The following RPS6KA2 variants were observed in gnomAD, a reference collection of about 807,000 sequenced individuals.
RPS6KA2 encodes ribosomal protein S6 kinase A2.
RPS6KA2 carries 42 observed loss-of-function variants against 91.8 expected under a neutral mutation model. The observed-to-expected ratio is 0.46, with a 90% CI of 0.36 to 0.59. The LOEUF is 0.59. Among genes scored for constraint, RPS6KA2 ranks in the 20% least tolerant of loss-of-function variants. The pLI, the probability that RPS6KA2 is intolerant of heterozygous loss-of-function variation, is 0.00. For missense variants in RPS6KA2, 798 were observed against 978.5 expected, an observed-to-expected ratio of 0.82 and a Z score of 2.46; for synonymous variants, 414 against 393.6, an observed-to-expected ratio of 1.05 and a Z score of -0.61.
intron 2 of RPS6KA2, among the ~76,000 whole-genome samples, chr6:166,644,888 G>A (rs1211100198): frequency 6.6e-6 from 1 of 152,198 alleles, no homozygotes; most frequent in Non-Finnish European, 1.5e-5. Context: ...CATACACACA[G>A]AGGAATGCCT....
intron 2 of RPS6KA2, among the ~76,000 whole-genome samples, chr6:166,783,047 G>GTATTA (rs1778811223): frequency 8.1e-6 from 1 of 124,168 alleles, no homozygotes; most frequent in African/African-American, 3.9e-5. Context: ...GTATCTTTTA[G>GTATTA]GTATTATTAT....
At chr6:166,478,208 C>T (rs1781053202) in intron 10 of RPS6KA2, among the ~76,000 whole-genome samples, 1 of 152,304 alleles carries the variant, frequency 6.6e-6, no homozygotes, top group South Asian at 2.1e-4. Context: ...GTGCCTGCCA[C>T]CTGAGGCGGC....
At chr6:166,698,533 C>T (rs1789418692) in intron 2 of RPS6KA2, among the ~76,000 whole-genome samples, 1 of 152,180 alleles carries the variant, frequency 6.6e-6, no homozygotes, top group Non-Finnish European at 1.5e-5. Context: ...TTTATAGTAA[C>T]CATCTGCCCA....
chr6:166,472,012 G>A (rs1780790267), intron 10 of RPS6KA2, among the ~76,000 whole-genome samples: 1 of 152,208 alleles, frequency 6.6e-6, no homozygotes, highest in Non-Finnish European at 1.5e-5. Context: ...CTCCCCAAGC[G>A]CCCATCCTGT....
At chr6:166,646,004 A>G (rs1787590582) in intron 2 of RPS6KA2, among the ~76,000 whole-genome samples, 1 of 152,344 alleles carries the variant, frequency 6.6e-6, no homozygotes, top group Non-Finnish European at 1.5e-5. Flanking sequence ...GTTTGCTTCT[A>G]GGGCCAGTCC....
At chr6:166,520,895 C>T (rs1023791044) in intron 3 of RPS6KA2, among the ~76,000 whole-genome samples, 1 of 152,222 alleles carries the variant, frequency 6.6e-6, no homozygotes, top group Non-Finnish European at 1.5e-5. Context: ...ACTCAGAGAG[C>T]ATCAGGGCTG....
Position 166,791,344 on chromosome 6 carries a change from G to A in RPS6KA2, c.123+66856C>T, listed in dbSNP as rs549343547. ...CCTAAATATATATGCACCCAATACA[G>A]GAGCACCCAGATTCATAAAGCAAGT... On this transcript the variant is annotated intron_variant, in intron 2 of 21. Transcript: ENST00000503859. Among the ~76,000 whole-genome samples, 609 of 152,180 alleles carry A rather than the reference G, an allele frequency of 4.0e-3. 4 individuals carry two copies. Among genetic ancestry groups the A allele is most frequent in the Admixed American group, 7.4e-3 (113 of 15,286 alleles).
intron 10 of RPS6KA2, among the ~76,000 whole-genome samples, chr6:166,470,547 T>A (rs1440468202): frequency 6.6e-6 from 1 of 152,218 alleles, no homozygotes; most frequent in African/African-American, 2.4e-5. Context: ...CCTAAGGCCC[T>A]GGGGCAGAAA....
chr6:166,774,137 T>C (rs1178249265), intron 2 of RPS6KA2, among the ~76,000 whole-genome samples: 3 of 152,212 alleles, frequency 2.0e-5, no homozygotes, highest in African/African-American at 7.2e-5. Context: ...ATAGTCTGGA[T>C]GACCAAGATT....
rs548631108 is a variant in RPS6KA2, at chr6:166,494,043, C to A, written c.748-3302G>T. Among the ~76,000 whole-genome samples the A allele has an allele frequency of 6.6e-6, 1 of 152,130 alleles. No homozygotes were observed. Among genetic ancestry groups the A allele is most frequent in the Non-Finnish European group, 1.5e-5 (1 of 68,024 alleles). The stretch of plus-strand genomic sequence containing the variant: ...AGCCTCGATTTCAAGTTTACTTGGC[C>A]GATCACCATTCTTAAAAGGGCACCA... On this transcript the variant is annotated intron_variant, in intron 8 of 20. Transcript: ENST00000265678. This position sits in a 1 kb window ranked among gnomAD's most constrained non-coding sequence, Gnocchi z 5.1.
intron 2 of RPS6KA2, among the ~76,000 whole-genome samples, chr6:166,534,588 A>G (rs991202874): frequency 2.0e-5 from 3 of 152,244 alleles, no homozygotes; most frequent in Admixed American, 2.0e-4. Flanking sequence ...CACATGGGGC[A>G]GCTGCCAGTT....
At chr6:166,796,237 C>G (rs550221087) in intron 2 of RPS6KA2, among the ~76,000 whole-genome samples, 1 of 152,328 alleles carries the variant, frequency 6.6e-6, no homozygotes, top group East Asian at 1.9e-4. Context: ...AAAGACCACT[C>G]ATGTCCATAT....
chr6:166,828,379 G>C (rs532948565), intron 2 of RPS6KA2, among the ~76,000 whole-genome samples: 1 of 152,168 alleles, frequency 6.6e-6, no homozygotes, highest in African/African-American at 2.4e-5. Flanking sequence ...AGACTGCCAC[G>C]CCAGTCCCCA....
chr6:166,592,722 GC>G (rs1405114856), intron 1 of RPS6KA2, among the ~76,000 whole-genome samples: 10 of 152,006 alleles, frequency 6.6e-5, no homozygotes, highest in African/African-American at 2.4e-4. Context: ...ACTCCTACCT[GC>G]CCACCTGCGG....
intron 2 of RPS6KA2, among the ~76,000 whole-genome samples, chr6:166,633,724 T>A (rs1787151242): frequency 6.6e-6 from 1 of 152,250 alleles, no homozygotes; most frequent in African/African-American, 2.4e-5. Flanking sequence ...GTTATAATTA[T>A]AGGATGGAAG....
chr6:166,470,152 T>A (rs1379890482), intron 10 of RPS6KA2, among the ~76,000 whole-genome samples: 1 of 152,010 alleles, frequency 6.6e-6, no homozygotes, highest in Non-Finnish European at 1.5e-5. Context: ...AAAGAGGTGG[T>A]CAAGAGAAGC....
At chr6:166,667,366 T>G (rs1433032404) in intron 2 of RPS6KA2, among the ~76,000 whole-genome samples, 1 of 152,252 alleles carries the variant, frequency 6.6e-6, no homozygotes, top group Non-Finnish European at 1.5e-5. Flanking sequence ...CGATAATTTC[T>G]TATTCTATAG....
At chr6:166,723,999 C>T (rs6903323) in intron 2 of RPS6KA2, among the ~76,000 whole-genome samples, 14,520 of 152,068 alleles carry the variant, frequency 0.095, 2,301 homozygotes, top group African/African-American at 0.33. Context: ...TGTGCCTGGC[C>T]CCTGAGTCAT....
intron 2 of RPS6KA2, among the ~76,000 whole-genome samples, chr6:166,675,972 G>T (rs996887428): frequency 3.9e-5 from 6 of 152,316 alleles, no homozygotes; most frequent in African/African-American, 1.4e-4. Context: ...ATAACAGAAA[G>T]TTGAGTGTAA....
Sources: gnomAD v4.1 joint callset for allele counts (sites outside exome capture counted in the v4.1 genomes callset) on GRCh38, gnomAD v4.1.1 for gene constraint, Gnocchi (gnomAD v3.1) non-coding constraint, MANE v1.5 for transcripts, NCBI Gene and HGNC (gene_info 2026-07-23, HGNC 2026-07-21) for gene names.